The following ACTN3 variants were observed in gnomAD, a reference collection of about 807,000 sequenced individuals.
ACTN3 encodes alpha-actinin-3.
In ACTN3, 91 loss-of-function variants were observed where a neutral mutation model predicts 119.6. The ratio of observed to expected loss-of-function variants is 0.76; its 90% CI spans 0.64 to 0.91. ACTN3 has a LOEUF of 0.91. ACTN3 is among the 40% of genes least tolerant of loss of function. The pLI is 0.00. For missense variants in ACTN3, 1,221 were observed against 1,215.1 expected, an observed-to-expected ratio of 1.00 and a Z score of -0.07; for synonymous variants, 456 against 478.8, an observed-to-expected ratio of 0.95 and a Z score of 0.62.
At chr11:66,561,890 C>A in intron 17 of ACTN3, 132 bp from the exon 18 acceptor site, 1 of 1,164,072 alleles carries the variant, frequency 8.6e-7, no homozygotes, top group Non-Finnish European at 1.2e-6. Context: ...CTCAGTGGAG[C>A]CTCCAGATGG....
chr11:66,553,196 G>A (rs1857514118), intron 3 of ACTN3, among the ~76,000 whole-genome samples: 1 of 152,064 alleles, frequency 6.6e-6, no homozygotes, highest in African/African-American at 2.4e-5. Context: ...AGAGGTTGCA[G>A]TGAGCTGAGA....
chr11:66,546,969 G>T lies in ACTN3; in HGVS notation c.32G>T (p.Gly11Val), dbSNP rs1430857351. ...ATGGTTATGCAGCCCGAGGGTCTGGGGGCCGGGGAGGGGCGCTTTGCGGGC... is the reference window on the plus strand; with the variant it reads ...ATGGTTATGCAGCCCGAGGGTCTGGTGGCCGGGGAGGGGCGCTTTGCGGGC... Reference protein sequence around the residue: MMMVMQPEGLGAGEGRFAGGG... With the variant: MMMVMQPEGLVAGEGRFAGGG... The change falls in exon 1 of 21, where the codon GGG becomes GTG. Residue 11 changes from glycine (G) to valine (V), a missense_variant. Physicochemically the swap from Gly to Val is moderately radical, Grantham distance 109 (BLOSUM62 -3). Coordinates refer to ENST00000513398, the MANE Select transcript of ACTN3 (RefSeq NM_001104.4). The T allele has an allele frequency of 6.6e-7, 1 of 1,526,382 alleles. No individual in the cohort carries two copies. The highest frequency in any genetic ancestry group is 8.8e-7 in the Non-Finnish European group (1 of 1,140,842). 94.6% of individuals were successfully genotyped at this position (1,526,382 alleles called of 1,614,324 possible).
At chr11:66,562,717 A>G in intron 19 of ACTN3, 79 bp from the exon 20 acceptor site, 1 of 1,477,728 alleles carries the variant, frequency 6.8e-7, no homozygotes, top group Non-Finnish European at 9.1e-7. Flanking sequence ...CTGAGGTTGG[A>G]CAGTCCCCAG....
Position 66,557,174 on chromosome 11 carries a change from G to C in ACTN3, c.846G>C (p.Val282=), listed in dbSNP as rs1169719738. Reference sequence around the variant, plus strand: ...ACAGGATCTGCAAGGTGCTGGCAGTGAACCAGGAAAACGAGAAGCTGATGG... The same window carrying C: ...ACAGGATCTGCAAGGTGCTGGCAGTCAACCAGGAAAACGAGAAGCTGATGG... ...AANRICKVLA[V]NQENEKLMEE... Residue 282 remains valine, a synonymous_variant, in exon 9 of 21, where the codon GTG becomes GTC. Transcript: ENST00000513398. 3.2e-6 allele frequency: 5 copies of C among 1,553,886 alleles called. No homozygotes were observed. The highest frequency in any genetic ancestry group is 1.7e-6 in the Non-Finnish European group (2 of 1,148,346).
chr11:66,552,700 C>G (rs1434462041), intron 3 of ACTN3, among the ~76,000 whole-genome samples: 1 of 151,498 alleles, frequency 6.6e-6, no homozygotes, highest in Non-Finnish European at 1.5e-5. Context: ...GTACTGAAAA[C>G]ACAAAAATTT....
intron 5 of ACTN3, 146 bp downstream of exon 5, chr11:66,554,769 T>A: frequency 2.9e-6 from 2 of 683,086 alleles, no homozygotes; most frequent in Non-Finnish European, 4.9e-6. Context: ...GAACAGTGTC[T>A]GAAAAGAGGG....
Position 66,560,014 on chromosome 11 carries a change from G to C in ACTN3, c.1474G>C (p.Ala492Pro), listed in dbSNP as rs913811940. 5 of 1,603,606 alleles carry C rather than the reference G, an allele frequency of 3.1e-6. No homozygotes were observed. The highest frequency in any genetic ancestry group is 4.2e-6 in the Non-Finnish European group (5 of 1,176,668). Residue 492 changes from alanine to proline, a missense_variant, in exon 13 of 21, where the codon GCC (alanine) becomes CCC (proline). Transcript: ENST00000513398. ...AGCCTCAGTGAATAGCCGCTGCCAG[G>C]CCATCTGCGATCAGTGGGACAACCT... ...EAASVNSRCQ[A>P]ICDQWDNLGT... is the part of the protein sequence containing the mutation.
In ACTN3 at chr11:66,547,063, C is replaced by G. The variant is rs760233030; in HGVS notation, c.126C>G (p.Ala42=). 6.6e-7 allele frequency: 1 copy of G among 1,509,346 alleles called. No individual in the cohort carries two copies. Among genetic ancestry groups the G allele is most frequent in the Non-Finnish European group, 8.8e-7 (1 of 1,130,806 alleles). 93.5% of individuals were successfully genotyped at this position (1,509,346 alleles called of 1,614,324 possible). Residue 42 remains alanine, a synonymous_variant, in exon 1 of 21, where the codon GCC becomes GCG. Transcript: ENST00000513398. ...DWDRDLLLDP[A]WEKQQRKTFT... ...ACCGCGACCTGCTGCTGGACCCGGC[C>G]TGGGAGAAGCAGCAGCGGAAAGTGA... is the stretch of plus-strand genomic sequence containing the variant.
At chr11:66,559,431 GC>G in intron 12 of ACTN3, 45 bp downstream of exon 12, 2 of 1,208,164 alleles carry the variant, frequency 1.7e-6, no homozygotes, top group Non-Finnish European at 1.0e-6. Flanking sequence ...CCCCGGCCCC[GC>G]CCCCGGTGGC....
rs550530030 is a variant in ACTN3, at chr11:66,555,320, A to G, written c.671A>G (p.Glu224Gly). Residue 224 changes from glutamate (E) to glycine (G), a missense_variant, in exon 7 of 21, where the codon GAG becomes GGG. Physicochemically the swap from Glu to Gly is moderately conservative, Grantham distance 98. Around this residue, in one of 3 missense-constraint regions of ACTN3, gnomAD observed 48 missense variants for 83.4 expected, o/e 0.58. Coordinates refer to ENST00000513398, the MANE Select transcript of ACTN3 (RefSeq NM_001104.4). ...ATCGGAAACCTGAACACTGCCTTTG[A>G]GGTGGCAGAGAAATACCTGGACATC... ...DPIGNLNTAF[E>G]VAEKYLDIPK... 1 of 1,614,058 alleles carries G rather than the reference A, an allele frequency of 6.2e-7. No homozygotes were observed. The highest frequency in any genetic ancestry group is 1.7e-5 in the Admixed American group (1 of 60,010).
Position 66,559,206 on chromosome 11 carries a change from G to A in ACTN3, c.1277-30G>A, listed in dbSNP as rs200020088. 1.3e-3 allele frequency: 1,894 copies of A among 1,460,340 alleles called. 9 individuals carry two copies. The Middle Eastern group carries it at 0.022, about 17-fold the overall frequency. 90.5% of individuals were successfully genotyped at this position (1,460,340 alleles called of 1,614,324 possible). A position where few individuals can be genotyped will look rare whatever the true frequency, so the allele number is the denominator to read the frequency against. The stretch of plus-strand genomic sequence containing the variant: ...CGCACCCCTGCCCCTGCCGCCACTG[G>A]GTGACCGGAGCCGGCATCTCTTTGA... On this transcript the variant is annotated intron_variant, in intron 11 of 20. Transcript: ENST00000513398.
chr11:66,562,276 A>T lies in ACTN3; in HGVS notation c.2342A>T (p.Glu781Val), dbSNP rs564580183. 1 of 1,613,694 alleles carries T rather than the reference A, an allele frequency of 6.2e-7. No individual in the cohort carries two copies. The highest frequency in any genetic ancestry group is 2.2e-5 in the East Asian group (1 of 44,866). ...CTACAGAAGCAGAATGGGATGATGG[A>T]GCCTGATGACTTCCGAGCTTGCCTC... ...HFDRKQNGMM[E>V]PDDFRACLIS... Residue 781 changes from glutamate to valine, a missense_variant, in exon 19 of 21, where the codon GAG becomes GTG. Coordinates refer to ENST00000513398, the MANE Select transcript of ACTN3 (RefSeq NM_001104.4).
chr11:66,559,299 T>C lies in ACTN3; in HGVS notation c.1340T>C (p.Leu447Ser), dbSNP rs778191526. 1 of 1,574,576 alleles carries C rather than the reference T, an allele frequency of 6.4e-7. No individual in the cohort carries two copies. The highest frequency in any genetic ancestry group is 8.6e-7 in the Non-Finnish European group (1 of 1,162,654). Reference sequence around the variant, plus strand: ...GCTTTGCTACAGGAGGTGCGGGCGTTGCTGCGGCGCCACGAGGCCTTTGAG... The same window carrying C: ...GCTTTGCTACAGGAGGTGCGGGCGTCGCTGCGGCGCCACGAGGCCTTTGAG... ...DSALLQEVRALLRRHEAFESD... is the reference protein window; with the variant it reads ...DSALLQEVRASLRRHEAFESD... The change falls in exon 12 of 21, where the codon TTG (leucine) becomes TCG (serine). Residue 447 changes from leucine (L) to serine (S), a missense_variant. Around this residue, in one of 3 missense-constraint regions of ACTN3, gnomAD observed 934 missense variants for 899.9 expected, o/e 1.04. Coordinates refer to ENST00000513398, the MANE Select transcript of ACTN3 (RefSeq NM_001104.4).
chr11:66,559,321 T>A lies in ACTN3; in HGVS notation c.1362T>A (p.Phe454Leu). 1 of 1,578,022 alleles carries A rather than the reference T, an allele frequency of 6.3e-7. No individual in the cohort carries two copies. The highest frequency in any genetic ancestry group is 8.6e-7 in the Non-Finnish European group (1 of 1,164,546). Residue 454 changes from phenylalanine (F) to leucine (L), a missense_variant, in exon 12 of 21, where the codon TTT becomes TTA. Physicochemically the swap from Phe to Leu is conservative, Grantham distance 22. This residue lies in a region of ACTN3 where 934 missense variants were observed against 899.9 expected (regional missense o/e 1.04). Transcript: ENST00000513398. ...VRALLRRHEAFESDLAAHQDR... is the reference protein window; with the variant it reads ...VRALLRRHEALESDLAAHQDR... ...CGTTGCTGCGGCGCCACGAGGCCTTTGAGAGCGACCTGGCGGCGCACCAGG... is the reference window on the plus strand; with the variant it reads ...CGTTGCTGCGGCGCCACGAGGCCTTAGAGAGCGACCTGGCGGCGCACCAGG...
rs1363433763 is a variant in ACTN3 at position 66,563,298 on chromosome 11, G to A, written c.*105G>A. The A allele has an allele frequency of 8.7e-6, 12 of 1,380,978 alleles. No homozygotes were observed. Among genetic ancestry groups the A allele is most frequent in the African/African-American group, 1.5e-5 (1 of 68,892 alleles). 85.5% of individuals were successfully genotyped at this position (1,380,978 alleles called of 1,614,324 possible). A position where few individuals can be genotyped will look rare whatever the true frequency, so the allele number is the denominator to read the frequency against. On this transcript the variant is annotated 3_prime_UTR_variant, in exon 21 of 21. Transcript: ENST00000513398. The stretch of plus-strand genomic sequence containing the variant: ...GGCCTAAGAGAAAAGCCAGCCAAGT[G>A]CTTCTGAATAAAGATCCCTCTCTGG...
At chr11:66,554,730 C>A in intron 5 of ACTN3, 107 bp downstream of exon 5, 1 of 924,320 alleles carries the variant, frequency 1.1e-6, no homozygotes, top group Non-Finnish European at 1.6e-6. Flanking sequence ...CTGTCACAAG[C>A]CACAGGGAAG....
chr11:66,556,334 C>T (rs1857589778), intron 8 of ACTN3, 104 bp downstream of exon 8: 1 of 1,071,364 alleles, frequency 9.3e-7, no homozygotes, highest in East Asian at 2.4e-5. Context: ...TGGAGTGCCA[C>T]TGTGCCAGCT....
Position 66,559,403 on chromosome 11 carries a change from G to A in ACTN3, c.1427+17G>A, listed in dbSNP as rs1409324484. ...GGAGCTCAAGTAGGCGGGGCCTCGC[G>A]GGGCCCGCCCCCAACACCCCCGGCC... On this transcript the variant is annotated intron_variant, in intron 12 of 20. Coordinates refer to ENST00000513398, the MANE Select transcript of ACTN3 (RefSeq NM_001104.4). The A allele has an allele frequency of 7.4e-6, 11 of 1,476,672 alleles. No homozygotes were observed. The highest frequency in any genetic ancestry group is 2.8e-5 in the East Asian group (1 of 35,976). The allele number at this position is 1,476,672 out of a possible 1,614,324, so 91.5% of individuals were successfully genotyped here. A position where few individuals can be genotyped will look rare whatever the true frequency, so the allele number is the denominator to read the frequency against.
intron 12 of ACTN3, 21 bp downstream of exon 12, chr11:66,559,407 C>G (rs749339507): frequency 8.2e-6 from 12 of 1,468,344 alleles, no homozygotes; most frequent in Non-Finnish European, 9.8e-6. Context: ...CCTCGCGGGG[C>G]CCGCCCCCAA....
Sources: gnomAD v4.1 joint callset for allele counts (sites outside exome capture counted in the v4.1 genomes callset) on GRCh38, gnomAD v4.1.1 for gene constraint, gnomAD v4.1.1 regional missense constraint, MANE v1.5 for transcripts, NCBI Gene and HGNC (gene_info 2026-07-23, HGNC 2026-07-21) for gene names.